Variants in FSTL5 observed in about 807,000 individuals in gnomAD.
FSTL5 encodes follistatin like 5, also known as follistatin-related protein 5.
Under a neutral mutation model 89.1 loss-of-function variants are expected in FSTL5, and 62 were observed. The observed-to-expected ratio is 0.70, with a 90% CI of 0.57 to 0.86. The LOEUF (loss-of-function observed/expected upper bound fraction) is 0.86. FSTL5 is among the 40% of genes least tolerant of loss of function. FSTL5 has a pLI of 0.00. For missense variants in FSTL5, 1,057 were observed against 1,001.6 expected, an observed-to-expected ratio of 1.06 and a Z score of -0.75; for synonymous variants, 383 against 346.2, an observed-to-expected ratio of 1.11 and a Z score of -1.18.
chr4:162,031,737 A>G (rs1217801031), intron 3 of FSTL5, among the ~76,000 whole-genome samples: 2 of 152,144 alleles, frequency 1.3e-5, no homozygotes. Context: ...AGAGATCGAG[A>G]CCGTCCTGGC....
chr4:161,848,871 T>C (rs928803966), intron 4 of FSTL5, among the ~76,000 whole-genome samples: 3 of 152,140 alleles, frequency 2.0e-5, no homozygotes, highest in Non-Finnish European at 4.4e-5. Context: ...TTGACCAAAG[T>C]AAGTCGTATA....
At chr4:161,603,379 T>TA (rs1734320282) in intron 7 of FSTL5, among the ~76,000 whole-genome samples, 1 of 152,172 alleles carries the variant, frequency 6.6e-6, no homozygotes, top group African/African-American at 2.4e-5. Context: ...ATAGGATTAG[T>TA]AGTGGCTTTA....
chr4:162,146,543 C>T (rs1431261988), intron 1 of FSTL5, among the ~76,000 whole-genome samples: 1 of 151,934 alleles, frequency 6.6e-6, no homozygotes, highest in Non-Finnish European at 1.5e-5. Flanking sequence ...CCTAGTATTC[C>T]CTATTGTTAA....
chr4:161,506,796 T>A (rs1730496848), intron 11 of FSTL5, among the ~76,000 whole-genome samples: 1 of 152,182 alleles, frequency 6.6e-6, no homozygotes, highest in African/African-American at 2.4e-5. Context: ...TCATGAAGTG[T>A]AATGTAATAT....
chr4:161,649,553 A>C (rs2126676526), intron 7 of FSTL5, among the ~76,000 whole-genome samples: 1 of 152,320 alleles, frequency 6.6e-6, no homozygotes, highest in African/African-American at 2.4e-5. Flanking sequence ...TTAAATTTGA[A>C]ATACAATAGA....
chr4:162,074,549 A>C (rs2111318016), intron 2 of FSTL5, among the ~76,000 whole-genome samples: 1 of 151,890 alleles, frequency 6.6e-6, no homozygotes, highest in Admixed American at 6.6e-5. Flanking sequence ...TAACAGACTT[A>C]ATTGTTCCAC....
intron 6 of FSTL5, among the ~76,000 whole-genome samples, chr4:161,723,341 T>C (rs1739280802): frequency 5.9e-5 from 9 of 152,094 alleles, no homozygotes; most frequent in Admixed American, 5.9e-4. Flanking sequence ...TTACCCTTGG[T>C]TAAAAAAATT....
intron 6 of FSTL5, among the ~76,000 whole-genome samples, chr4:161,731,838 T>C (rs1302629027): frequency 4.6e-5 from 7 of 151,974 alleles, no homozygotes; most frequent in Admixed American, 4.6e-4. Context: ...GTTGATTCCT[T>C]TTTATTGCCA....
In FSTL5 at chr4:161,386,294, T is replaced by G. The variant is rs1195901638; in HGVS notation, c.1997A>C (p.Lys666Thr). The G allele has an allele frequency of 4.3e-6, 7 of 1,613,988 alleles. No individual in the cohort carries two copies. Among genetic ancestry groups the G allele is most frequent in the Non-Finnish European group, 5.9e-6 (7 of 1,179,946 alleles). The change falls in exon 16 of 16, where the codon AAA becomes ACA. Residue 666 changes from lysine to threonine, a missense_variant. Lys to Thr is a moderately conservative substitution (Grantham distance 78). Transcript: ENST00000306100. Reference sequence around the variant, plus strand: ...GGAAACTGCTCCGGTGCTGTCAGGTTTGCAGCCAATGAAGTAGTAGCCTCC... The same window carrying G: ...GGAAACTGCTCCGGTGCTGTCAGGTGTGCAGCCAATGAAGTAGTAGCCTCC... Reference protein sequence around the residue: ...HLGGYYFIGCKPDSTGAVSPQ... With the variant: ...HLGGYYFIGCTPDSTGAVSPQ...
At chr4:161,570,911 C>G (rs910931873) in intron 8 of FSTL5, among the ~76,000 whole-genome samples, 1 of 151,918 alleles carries the variant, frequency 6.6e-6, no homozygotes, top group Non-Finnish European at 1.5e-5. Context: ...GTCAAGAGAT[C>G]GAGACCATCC....
At chr4:161,883,796 G>A (rs778949883) in intron 4 of FSTL5, among the ~76,000 whole-genome samples, 2 of 152,128 alleles carry the variant, frequency 1.3e-5, no homozygotes, top group African/African-American at 2.4e-5. Context: ...TTCATCTAAT[G>A]ATGTTACCGG....
chr4:161,768,037 C>T (rs1228474273), intron 5 of FSTL5, among the ~76,000 whole-genome samples: 4 of 152,156 alleles, frequency 2.6e-5, no homozygotes, highest in East Asian at 1.9e-4. Flanking sequence ...TTATCATGTA[C>T]GTCTGTATTT....
At chr4:161,976,170 C>T (rs186793801) in intron 3 of FSTL5, among the ~76,000 whole-genome samples, 71 of 150,700 alleles carry the variant, frequency 4.7e-4, no homozygotes, top group African/African-American at 1.7e-3. Flanking sequence ...TCTCCACTCA[C>T]GTTTCATCTC....
chr4:162,068,573 C>A (rs1185679075), intron 2 of FSTL5, among the ~76,000 whole-genome samples: 1 of 151,710 alleles, frequency 6.6e-6, no homozygotes, highest in African/African-American at 2.4e-5. Context: ...AAGACTTAAA[C>A]GTAAAATCAA....
In FSTL5 at chr4:161,396,846, G is replaced by A. The variant is rs72987258; in HGVS notation, c.1842-10397C>T. 2.1e-3 allele frequency among the ~76,000 whole-genome samples: 321 copies of A among 151,946 alleles called. 1 individual carries two copies. The highest frequency in any genetic ancestry group is 7.4e-3 in the African/African-American group (308 of 41,442). Reference sequence around the variant, plus strand: ...GTTGTTGACTACACGGTTTGGAGAAGGAAAATTAAAGTGTGGAATAGAAAT... The same window carrying A: ...GTTGTTGACTACACGGTTTGGAGAAAGAAAATTAAAGTGTGGAATAGAAAT... On this transcript the variant is annotated intron_variant, in intron 15 of 15. Transcript: ENST00000306100.
intron 8 of FSTL5, among the ~76,000 whole-genome samples, chr4:161,568,642 T>C (rs1732899046): frequency 6.6e-6 from 1 of 151,326 alleles, no homozygotes; most frequent in Non-Finnish European, 1.5e-5. Context: ...CTGTCATTAT[T>C]CAGCTTTGAA....
intron 3 of FSTL5, among the ~76,000 whole-genome samples, chr4:161,984,516 C>G (rs1283990623): frequency 6.6e-6 from 1 of 152,078 alleles, no homozygotes; most frequent in Non-Finnish European, 1.5e-5. Flanking sequence ...ATTCCATTCA[C>G]TTTAAGATCA....
At chr4:161,626,461 T>G (rs1439799837) in intron 7 of FSTL5, among the ~76,000 whole-genome samples, 1 of 152,138 alleles carries the variant, frequency 6.6e-6, no homozygotes, top group Non-Finnish European at 1.5e-5. Flanking sequence ...AGCCCACTAT[T>G]GAGACATACT....
At chr4:161,440,893 T>G (rs933067383) in intron 15 of FSTL5, among the ~76,000 whole-genome samples, 3 of 152,134 alleles carry the variant, frequency 2.0e-5, no homozygotes, top group Non-Finnish European at 4.4e-5. Flanking sequence ...CCATTACTAA[T>G]TTATTTTGCA....
Sources: gnomAD v4.1 joint callset for allele counts (sites outside exome capture counted in the v4.1 genomes callset) on GRCh38, gnomAD v4.1.1 for gene constraint, MANE v1.5 for transcripts, NCBI Gene and HGNC (gene_info 2026-07-23, HGNC 2026-07-21) for gene names.